The following AGBL1 variants were observed in gnomAD, a reference collection of about 807,000 sequenced individuals.
AGBL1 encodes the protein AGBL carboxypeptidase 1, also known as cytosolic carboxypeptidase 4.
Under a neutral mutation model 118.9 loss-of-function variants are expected in AGBL1, and 130 were observed. That is an observed-to-expected ratio of 1.09 (90% confidence interval 0.95 to 1.26). The LOEUF is 1.26. Among genes scored for constraint, AGBL1 ranks in the 50% most tolerant of loss-of-function variants. The pLI, the probability that AGBL1 is intolerant of heterozygous loss-of-function variation, is 0.00. For synonymous variants in AGBL1, 555 were observed against 478.9 expected, an observed-to-expected ratio of 1.16 and a Z score of -2.08; for missense variants, 1,584 against 1,298.1, an observed-to-expected ratio of 1.22 and a Z score of -3.38.
At chr15:86,345,510 A>G (rs1173554091) in intron 17 of AGBL1, among the ~76,000 whole-genome samples, 1 of 152,266 alleles carries the variant, frequency 6.6e-6, no homozygotes, top group Non-Finnish European at 1.5e-5. Flanking sequence ...GTAAATGTTC[A>G]AAGAAGTACC....
intron 22 of AGBL1, among the ~76,000 whole-genome samples, chr15:86,732,033 A>G (rs1169164856): frequency 1.3e-5 from 2 of 152,218 alleles, no homozygotes; most frequent in Admixed American, 6.5e-5. Context: ...TTTACTTAAC[A>G]GTCTTATGAG....
At chr15:86,609,041 T>C (rs112145879) in intron 21 of AGBL1, among the ~76,000 whole-genome samples, 3 of 152,142 alleles carry the variant, frequency 2.0e-5, no homozygotes, top group African/African-American at 7.2e-5. Flanking sequence ...TACGTGACTT[T>C]TTTGCTTCCA....
chr15:86,758,605 A>T (rs1314557694), intron 22 of AGBL1, among the ~76,000 whole-genome samples: 2 of 152,064 alleles, frequency 1.3e-5, no homozygotes, highest in Non-Finnish European at 2.9e-5. Context: ...GCTCTGGATT[A>T]TATTATGGGT....
chr15:86,432,006 A>G (rs1207927577), intron 18 of AGBL1, among the ~76,000 whole-genome samples: 1 of 152,088 alleles, frequency 6.6e-6, no homozygotes, highest in African/African-American at 2.4e-5. Flanking sequence ...CTCACCTGTT[A>G]TCCTCCCATC....
At chr15:86,356,874 G>T (rs2080729803) in intron 17 of AGBL1, among the ~76,000 whole-genome samples, 1 of 149,502 alleles carries the variant, frequency 6.7e-6, no homozygotes, top group South Asian at 2.1e-4. Flanking sequence ...TCCCACAAGG[G>T]TACCAGAATT....
intron 5 of AGBL1, among the ~76,000 whole-genome samples, chr15:86,163,713 G>A (rs2077298604): frequency 6.6e-6 from 1 of 150,974 alleles, no homozygotes; most frequent in African/African-American, 2.5e-5. Flanking sequence ...GTGAGACAGA[G>A]TGAGATTCTG....
chr15:86,797,795 A>G (rs985169878), intron 22 of AGBL1, among the ~76,000 whole-genome samples: 1 of 152,194 alleles, frequency 6.6e-6, no homozygotes, highest in Non-Finnish European at 1.5e-5. Context: ...GACTTGGAAG[A>G]ACCTGCAAAG....
chr15:86,457,607 G>A (rs181526202), intron 18 of AGBL1, among the ~76,000 whole-genome samples: 1 of 152,282 alleles, frequency 6.6e-6, no homozygotes, highest in Non-Finnish European at 1.5e-5. Context: ...TTCATATCTT[G>A]TAGAAAGATT....
At chr15:86,783,374 T>C (rs946339578) in intron 22 of AGBL1, among the ~76,000 whole-genome samples, 1 of 152,226 alleles carries the variant, frequency 6.6e-6, no homozygotes, top group Non-Finnish European at 1.5e-5. Context: ...CTCCAGAAAG[T>C]CTGTTGTTTA....
At chr15:86,350,671 C>G (rs929539426) in intron 17 of AGBL1, among the ~76,000 whole-genome samples, 3 of 152,160 alleles carry the variant, frequency 2.0e-5, no homozygotes, top group Admixed American at 1.3e-4. Context: ...AGGAGTCCTA[C>G]AAGGCACTCT....
chr15:86,662,112 TAAAG>T (rs771103687), intron 21 of AGBL1, among the ~76,000 whole-genome samples: 1 of 88,784 alleles, frequency 1.1e-5, no homozygotes, highest in Non-Finnish European at 2.9e-5. Context: ...TGGAGAAAAA[TAAAG>T]ATTTCAGCTG....
intron 18 of AGBL1, among the ~76,000 whole-genome samples, chr15:86,511,234 G>C (rs924505279): frequency 1.3e-5 from 2 of 151,964 alleles, no homozygotes; most frequent in East Asian, 3.9e-4. Context: ...GATTTCTAAG[G>C]CTTATGGTCA....
At chr15:86,305,677 T>C (rs2079827925) in intron 17 of AGBL1, among the ~76,000 whole-genome samples, 1 of 152,160 alleles carries the variant, frequency 6.6e-6, no homozygotes, top group Admixed American at 6.5e-5. Flanking sequence ...CAATTACTGT[T>C]AGTAGTTTTA....
intron 22 of AGBL1, among the ~76,000 whole-genome samples, chr15:86,706,518 A>G (rs2086452168): frequency 6.9e-6 from 1 of 145,324 alleles, no homozygotes; most frequent in African/African-American, 2.4e-5. Context: ...TCTCCTTGAG[A>G]ACATATTCTT....
At chr15:86,661,559 C>G (rs746101571) in intron 21 of AGBL1, among the ~76,000 whole-genome samples, 6 of 151,850 alleles carry the variant, frequency 4.0e-5, no homozygotes, top group Non-Finnish European at 7.4e-5. Context: ...TATGAGAACC[C>G]TGTAATTCTT....
At chr15:86,438,974 T>C (rs1278872560) in intron 18 of AGBL1, among the ~76,000 whole-genome samples, 1 of 152,056 alleles carries the variant, frequency 6.6e-6, no homozygotes, top group Non-Finnish European at 1.5e-5. Flanking sequence ...TAGTCTGTAT[T>C]TTATCTGGCA....
intron 22 of AGBL1, among the ~76,000 whole-genome samples, chr15:86,702,904 T>C (rs1370762991): frequency 6.7e-6 from 1 of 148,654 alleles, no homozygotes; most frequent in Non-Finnish European, 1.5e-5. Context: ...AAAAAATCTT[T>C]CAAGGAAGCA....
At chr15:86,446,082 A>C (rs2082117186) in intron 18 of AGBL1, among the ~76,000 whole-genome samples, 2 of 152,152 alleles carry the variant, frequency 1.3e-5, no homozygotes, top group Non-Finnish European at 2.9e-5. Flanking sequence ...GCAAGACTAT[A>C]CACAGCTGGG....
chr15:86,930,404 G>A (rs2080591357), intron 23 of AGBL1, among the ~76,000 whole-genome samples: 1 of 152,168 alleles, frequency 6.6e-6, no homozygotes, highest in Non-Finnish European at 1.5e-5. Flanking sequence ...GGGCGGGATA[G>A]CAGTTGCCAG....
Sources: gnomAD v4.1 joint callset for allele counts (sites outside exome capture counted in the v4.1 genomes callset) on GRCh38, gnomAD v4.1.1 for gene constraint, MANE v1.5 for transcripts, NCBI Gene and HGNC (gene_info 2026-07-23, HGNC 2026-07-21) for gene names.